Variants in KCNH5 observed in about 807,000 individuals in gnomAD.
The protein encoded by KCNH5 is voltage-gated delayed rectifier potassium channel KCNH5.
Under a neutral mutation model 96.1 loss-of-function variants are expected in KCNH5, and 46 were observed. The ratio of observed to expected loss-of-function variants is 0.48; its 90% CI spans 0.38 to 0.61. KCNH5 has a LOEUF of 0.61. Among genes scored for constraint, KCNH5 ranks in the 20% least tolerant of loss-of-function variants. KCNH5 has a pLI of 0.00. For missense variants in KCNH5, 907 were observed against 1,225.8 expected (o/e 0.74, Z 3.88); for synonymous variants, 439 against 449.8 (o/e 0.98, Z 0.30).
chr14:62,881,110 T>G (rs1888482784), intron 7 of KCNH5, among the ~76,000 whole-genome samples: 2 of 152,206 alleles, frequency 1.3e-5, no homozygotes, highest in African/African-American at 4.8e-5. Context: ...GCTTATGCAT[T>G]AAGCGCCATT....
intron 7 of KCNH5, among the ~76,000 whole-genome samples, chr14:62,852,131 A>C (rs1887819659): frequency 6.6e-6 from 1 of 152,206 alleles, no homozygotes. Context: ...TGATATAAGC[A>C]TATAATGTAT....
At chr14:62,738,964 C>G (rs1456114428) in intron 10 of KCNH5, among the ~76,000 whole-genome samples, 1 of 152,084 alleles carries the variant, frequency 6.6e-6, no homozygotes, top group Non-Finnish European at 1.5e-5. Flanking sequence ...TCTTAAAGGA[C>G]TTCAACAGGC....
chr14:62,868,739 A>T (rs1888189045), intron 7 of KCNH5, among the ~76,000 whole-genome samples: 1 of 151,828 alleles, frequency 6.6e-6, no homozygotes, highest in Admixed American at 6.6e-5. Flanking sequence ...CCCTGTGTCC[A>T]TGTGTTCTCA....
chr14:62,935,145 A>G (rs1019752272), intron 7 of KCNH5, among the ~76,000 whole-genome samples: 2 of 152,190 alleles, frequency 1.3e-5, no homozygotes, highest in African/African-American at 2.4e-5. Flanking sequence ...AATCAGTCAC[A>G]TGTTCATTCA....
chr14:63,034,537 A>C (rs1234470061), intron 1 of KCNH5, among the ~76,000 whole-genome samples: 1 of 152,246 alleles, frequency 6.6e-6, no homozygotes, highest in African/African-American at 2.4e-5. Context: ...CGTACCTTCC[A>C]CAATGACACT....
intron 8 of KCNH5, among the ~76,000 whole-genome samples, chr14:62,840,358 G>C (rs1019644368): frequency 6.6e-6 from 1 of 151,930 alleles, no homozygotes; most frequent in African/African-American, 2.4e-5. Context: ...TAAGAAAGAA[G>C]TCAAGAACCA....
At chr14:62,771,129 C>T (rs1297310634) in intron 10 of KCNH5, among the ~76,000 whole-genome samples, 2 of 152,162 alleles carry the variant, frequency 1.3e-5, no homozygotes, top group Non-Finnish European at 2.9e-5. Context: ...AGAAACGTCC[C>T]CAGACAACAT....
intron 10 of KCNH5, among the ~76,000 whole-genome samples, chr14:62,745,152 G>C (rs1197537553): frequency 2.0e-5 from 3 of 152,258 alleles, no homozygotes; most frequent in Middle Eastern, 3.4e-3. Context: ...AACTCTCCAG[G>C]CTTTTAACGC....
chr14:62,750,639 A>C (rs1255163934), intron 10 of KCNH5, among the ~76,000 whole-genome samples: 2 of 152,184 alleles, frequency 1.3e-5, no homozygotes, highest in Non-Finnish European at 2.9e-5. Context: ...ATAGATTTAG[A>C]ATTTCTAAGT....
intron 10 of KCNH5, among the ~76,000 whole-genome samples, chr14:62,759,909 G>T (rs1255388813): frequency 2.6e-5 from 4 of 152,110 alleles, no homozygotes; most frequent in Non-Finnish European, 1.5e-5. Context: ...TCACCTGAAC[G>T]GCGGGGATAG....
chr14:62,747,841 G>A (rs1465422722), intron 10 of KCNH5, among the ~76,000 whole-genome samples: 1 of 152,102 alleles, frequency 6.6e-6, no homozygotes, highest in Non-Finnish European at 1.5e-5. Context: ...CTGACTGTGT[G>A]GAGTTTTTAG....
chr14:62,716,910 T>A (rs913979387), intron 10 of KCNH5, among the ~76,000 whole-genome samples: 5 of 152,000 alleles, frequency 3.3e-5, no homozygotes, highest in African/African-American at 1.2e-4. Flanking sequence ...AAGAAATACA[T>A]GAAAAACCTG....
rs1223396909 is a variant in KCNH5, at chr14:62,707,104, T to C, written c.*404A>G. ...ACTGAACTCTTCCTTGGCATTAATC[T>C]ATACTTTTAACTTAACAGAACAGTG... is the stretch of plus-strand genomic sequence containing the variant. On this transcript the variant is annotated 3_prime_UTR_variant, in exon 11 of 11. Coordinates refer to ENST00000322893, the MANE Select transcript of KCNH5 (RefSeq NM_139318.5). 1 of 152,464 alleles carries C rather than the reference T, an allele frequency of 6.6e-6. No homozygotes were observed. The highest frequency in any genetic ancestry group is 1.5e-5 in the Non-Finnish European group (1 of 68,184). The allele number at this position is 152,464 out of a possible 1,614,324, so 9.4% of individuals were successfully genotyped here.
intron 8 of KCNH5, among the ~76,000 whole-genome samples, chr14:62,808,381 T>G (rs1487954255): frequency 2.6e-5 from 4 of 152,140 alleles, no homozygotes; most frequent in African/African-American, 9.7e-5. Flanking sequence ...TTCTGTAAAT[T>G]AAACATTGGA....
At chr14:63,015,002 G>A (rs559288378) in intron 2 of KCNH5, among the ~76,000 whole-genome samples, 3 of 152,114 alleles carry the variant, frequency 2.0e-5, no homozygotes, top group South Asian at 4.1e-4. Flanking sequence ...ATGGCCCAAC[G>A]ATATCAGTGC....
At chr14:63,027,774 T>C (rs1272157647) in intron 1 of KCNH5, among the ~76,000 whole-genome samples, 1 of 152,062 alleles carries the variant, frequency 6.6e-6, no homozygotes, top group African/African-American at 2.4e-5. Flanking sequence ...CCCCACAGGC[T>C]TAAAAAAGAA....
chr14:62,835,041 T>A (rs1887437417), intron 8 of KCNH5, among the ~76,000 whole-genome samples: 1 of 152,032 alleles, frequency 6.6e-6, no homozygotes, highest in African/African-American at 2.4e-5. Flanking sequence ...TCTTTTTGAA[T>A]TCAATATAAT....
intron 8 of KCNH5, among the ~76,000 whole-genome samples, chr14:62,823,709 A>G (rs1231891410): frequency 1.3e-5 from 2 of 152,136 alleles, no homozygotes; most frequent in African/African-American, 2.4e-5. Flanking sequence ...ATAACATCAC[A>G]TAATTCTGCT....
intron 6 of KCNH5, among the ~76,000 whole-genome samples, chr14:62,965,023 C>A (rs980023635): frequency 1.6e-4 from 25 of 152,172 alleles, no homozygotes; most frequent in African/African-American, 4.3e-4. Context: ...GATTTGTGTG[C>A]TTGTTCACTG....
Sources: allele counts gnomAD v4.1 joint callset (sites outside exome capture counted in the v4.1 genomes callset), GRCh38; gene constraint gnomAD v4.1.1; transcripts MANE v1.5; gene names NCBI Gene and HGNC (gene_info 2026-07-23, HGNC 2026-07-21).